MROH2A: variants seen among roughly 807,000 people sequenced by gnomAD.
MROH2A encodes maestro heat-like repeat-containing protein family member 2A.
A neutral mutation model predicts 200.4 loss-of-function variants in MROH2A; 174 were observed. The ratio of observed to expected loss-of-function variants is 0.87; its 90% CI spans 0.77 to 0.98. The LOEUF is 0.98. MROH2A is among the 50% of genes least tolerant of loss of function. The probability of loss-of-function intolerance (pLI) is 0.00; values close to 1 mark genes in which losing one functional copy is unlikely to be tolerated. For synonymous variants in MROH2A, 829 were observed against 840.4 expected (o/e 0.99, Z 0.23); for missense variants, 2,045 against 2,139.6 (o/e 0.96, Z 0.87).
chr2:233,828,747 C>T lies in MROH2A; in HGVS notation c.4231C>T (p.Leu1411Phe). ...EALRVLSLRA[L>F]GNMALGAPKK... is the part of the protein sequence containing the mutation. ...CCTGCGGGTGCTGTCCCTGCGCGCC[C>T]TCGGCAACATGGCCCTGGGCGCCCC... The change falls in exon 36 of 42, where the codon CTC becomes TTC. Residue 1411 changes from leucine to phenylalanine, a missense_variant. Around this residue, in one of 3 missense-constraint regions of MROH2A, gnomAD observed 1,201 missense variants for 1,311.3 expected, o/e 0.92. Transcript: ENST00000389758. This position sits in a 1 kb window ranked among gnomAD's most constrained non-coding sequence, Gnocchi z 4.6. 6.4e-7 allele frequency: 1 copy of T among 1,550,508 alleles called. No individual in the cohort carries two copies. The highest frequency in any genetic ancestry group is 1.7e-4 in the Middle Eastern group (1 of 5,990).
chr2:233,833,133 C>G lies in MROH2A; in HGVS notation c.4904-5C>G, dbSNP rs1559490828. The G allele has an allele frequency of 6.5e-7, 1 of 1,540,290 alleles. No individual in the cohort carries two copies. Among genetic ancestry groups the G allele is most frequent in the Admixed American group, 2.1e-5 (1 of 48,780 alleles). The stretch of plus-strand genomic sequence containing the variant: ...TGAACCTTCCCTCTTTGTGTTCTCT[C>G]TCAGCCCTCCAGGAACTACAGCTGG... On this transcript the variant is annotated splice_polypyrimidine_tract_variant and splice_region_variant and intron_variant, in intron 41 of 41. Transcript: ENST00000389758.
chr2:233,796,349 G>T, intron 11 of MROH2A, 36 bp downstream of exon 11: 1 of 938,292 alleles, frequency 1.1e-6, no homozygotes, highest in Non-Finnish European at 1.6e-6. Context: ...GGGCGGGGAG[G>T]GTGGGGTAGG....
rs1005640518 is a variant in MROH2A at position 233,828,187 on chromosome 2, G to GCACACATGTA, written c.4114-424_4114-415dup. On this transcript the variant is annotated intron_variant, in intron 35 of 41. Coordinates refer to ENST00000389758, the MANE Select transcript of MROH2A (RefSeq NM_001394639.1). The surrounding 1 kb of genome is among the most constrained non-coding windows in gnomAD (Gnocchi z 4.6). Reference sequence around the variant, plus strand: ...TTCAAACATACTCAGGTACTTGCATGCACACATGTACACACATGTACACAC... The same window carrying GCACACATGTA: ...TTCAAACATACTCAGGTACTTGCATGCACACATGTACACACATGTACACACATGTACACAC... Among the ~76,000 whole-genome samples, 2 of 152,142 alleles carry GCACACATGTA rather than the reference G, an allele frequency of 1.3e-5. No homozygotes were observed. Among genetic ancestry groups the GCACACATGTA allele is most frequent in the Non-Finnish European group, 2.9e-5 (2 of 68,034 alleles).
At position 233,795,995 on chromosome 2, in the gene MROH2A, A is replaced by C. The variant is rs1168880228; in HGVS notation, c.1088A>C (p.Gln363Pro). The change falls in exon 10 of 42, where the codon CAG becomes CCG. Residue 363 changes from glutamine (Q) to proline (P), a missense_variant. Around this residue, in one of 3 missense-constraint regions of MROH2A, gnomAD observed 831 missense variants for 800.0 expected, o/e 1.04. Coordinates refer to ENST00000389758, the MANE Select transcript of MROH2A (RefSeq NM_001394639.1). ...QVCNKAPAQH[Q>P]YSSQNLMEMV... The stretch of plus-strand genomic sequence containing the variant: ...TGCAACAAGGCCCCGGCCCAGCATC[A>C]GTACAGCAGCCAGAATCTGATGGAG... The C allele has an allele frequency of 1.3e-6, 2 of 1,550,472 alleles. No individual in the cohort carries two copies. The highest frequency in any genetic ancestry group is 1.7e-6 in the Non-Finnish European group (2 of 1,146,976).
chr2:233,794,102 C>A (rs1418541475), intron 7 of MROH2A, among the ~76,000 whole-genome samples: 1 of 152,178 alleles, frequency 6.6e-6, no homozygotes, highest in Non-Finnish European at 1.5e-5. Context: ...CCCATGGGAG[C>A]TATTTTCACA....
Position 233,814,669 on chromosome 2 carries a change from A to G in MROH2A, c.2848A>G (p.Met950Val), listed in dbSNP as rs2126154037. The change falls in exon 26 of 42, where the codon ATG becomes GTG. Residue 950 changes from methionine to valine, a missense_variant. By Grantham distance (21) the Met-to-Val change is conservative (BLOSUM62 1). Coordinates refer to ENST00000389758, the MANE Select transcript of MROH2A (RefSeq NM_001394639.1). ...GCTGGACCCCAAGGGGCTGCAGGAG[A>G]TGGTGCAGGTGAGTTGCCTGGTGGC... ...RQLDPKGLQE[M>V]VQLLEKWILS... 2.6e-6 allele frequency: 4 copies of G among 1,549,474 alleles called. No individual in the cohort carries two copies. The highest frequency in any genetic ancestry group is 3.5e-6 in the Non-Finnish European group (4 of 1,146,124).
At chr2:233,785,071 G>A (rs965024250) in intron 3 of MROH2A, among the ~76,000 whole-genome samples, 2 of 152,156 alleles carry the variant, frequency 1.3e-5, no homozygotes, top group Middle Eastern at 3.4e-3. Context: ...GCTTGAACCC[G>A]GGAGGTGGAG....
chr2:233,828,875 C>T lies in MROH2A; in HGVS notation c.4264-15C>T, dbSNP rs1277071993. The T allele has an allele frequency of 6.5e-7, 1 of 1,550,202 alleles. No homozygotes were observed. The highest frequency in any genetic ancestry group is 2.4e-5 in the East Asian group (1 of 40,912). ...GAGGGAGGGTGCAGGCTGAGGGCTG[C>T]CCATGCCCCTCCAGGTGAAGCAGTA... On this transcript the variant is annotated splice_polypyrimidine_tract_variant and intron_variant, in intron 36 of 41. Transcript: ENST00000389758. The surrounding 1 kb of genome is among the most constrained non-coding windows in gnomAD (Gnocchi z 4.6).
chr2:233,822,865 T>C lies in MROH2A; in HGVS notation c.3867-16T>C. 2 of 1,549,704 alleles carry C rather than the reference T, an allele frequency of 1.3e-6. No individual in the cohort carries two copies. On this transcript the variant is annotated splice_polypyrimidine_tract_variant and intron_variant, in intron 33 of 41. Coordinates refer to ENST00000389758, the MANE Select transcript of MROH2A (RefSeq NM_001394639.1). ...CCCAGCAGGGCAGCGCATCACAAGCTCCCACCTCCCTTCAGGGTCACTATC... is the reference window on the plus strand; with the variant it reads ...CCCAGCAGGGCAGCGCATCACAAGCCCCCACCTCCCTTCAGGGTCACTATC...
At chr2:233,791,392 G>A (rs929405560) in intron 5 of MROH2A, among the ~76,000 whole-genome samples, 10 of 152,172 alleles carry the variant, frequency 6.6e-5, no homozygotes, top group Non-Finnish European at 1.0e-4. Flanking sequence ...GCAAGCCACT[G>A]GGAGCGTGTT....
Position 233,779,387 on chromosome 2 carries a change from T to C in MROH2A, c.29T>C (p.Val10Ala). 2 of 1,549,878 alleles carry C rather than the reference T, an allele frequency of 1.3e-6. No homozygotes were observed. The highest frequency in any genetic ancestry group is 1.7e-6 in the Non-Finnish European group (2 of 1,146,298). ...ACTGAAGCCATTACAGAAGCAGCAG[T>C]AGCCTCAAGTGAGGAGGTGTCAGAG... MTEAITEAA[V>A]ASSEEVSEER... The change falls in exon 2 of 42, where the codon GTA (valine) becomes GCA (alanine). Residue 10 changes from valine (V) to alanine (A), a missense_variant. Val to Ala is a moderately conservative substitution (Grantham distance 64, BLOSUM62 0). Around this residue, in one of 3 missense-constraint regions of MROH2A, gnomAD observed 831 missense variants for 800.0 expected, o/e 1.04. Transcript: ENST00000389758.
At chr2:233,832,431 C>T (rs770855003) in intron 40 of MROH2A, 148 bp from the exon 41 acceptor site, 25 of 952,016 alleles carry the variant, frequency 2.6e-5, no homozygotes, top group East Asian at 5.2e-5. Flanking sequence ...CTTTCTATCC[C>T]GTTTTGATTT....
At chr2:233,805,235 G>A in intron 19 of MROH2A, 124 bp downstream of exon 19, 1 of 615,704 alleles carries the variant, frequency 1.6e-6, no homozygotes. Flanking sequence ...GGTCCTGGGA[G>A]GAGAGGAGCG....
At chr2:233,821,886 G>T (rs527878016) in intron 31 of MROH2A, among the ~76,000 whole-genome samples, 1 of 152,104 alleles carries the variant, frequency 6.6e-6, no homozygotes, top group Admixed American at 6.5e-5. Flanking sequence ...TGGGGCTTCC[G>T]TGGGGGCCAT....
intron 35 of MROH2A, among the ~76,000 whole-genome samples, chr2:233,827,677 T>C (rs1477954157): frequency 1.3e-5 from 2 of 152,018 alleles, no homozygotes; most frequent in African/African-American, 2.4e-5. Flanking sequence ...GACACACGTC[T>C]ACCTATGTAA....
intron 8 of MROH2A, among the ~76,000 whole-genome samples, chr2:233,795,193 G>A (rs1559448553): frequency 6.6e-6 from 1 of 152,214 alleles, no homozygotes; most frequent in Non-Finnish European, 1.5e-5. Flanking sequence ...CTTGGTAGAG[G>A]GGTGAGATGT....
intron 3 of MROH2A, among the ~76,000 whole-genome samples, chr2:233,787,940 C>T (rs990312608): frequency 6.5e-5 from 2 of 30,750 alleles, no homozygotes; most frequent in African/African-American, 2.6e-4. Flanking sequence ...ATTATATATA[C>T]ATATATATTA....
intron 31 of MROH2A, among the ~76,000 whole-genome samples, chr2:233,821,614 G>A (rs938857375): frequency 6.6e-6 from 1 of 152,210 alleles, no homozygotes; most frequent in African/African-American, 2.4e-5. Context: ...AGGGCCATGG[G>A]CTTGGACTTG....
intron 3 of MROH2A, among the ~76,000 whole-genome samples, chr2:233,788,567 C>T (rs909874498): frequency 1.3e-5 from 2 of 152,052 alleles, no homozygotes; most frequent in African/African-American, 4.8e-5. Flanking sequence ...CTCCCTACCA[C>T]CAGAGGAGGA....
Sources: gnomAD v4.1 joint callset for allele counts (sites outside exome capture counted in the v4.1 genomes callset) on GRCh38, gnomAD v4.1.1 for gene constraint, gnomAD v4.1.1 regional missense constraint, Gnocchi (gnomAD v3.1) non-coding constraint, MANE v1.5 for transcripts, NCBI Gene and HGNC (gene_info 2026-07-23, HGNC 2026-07-21) for gene names.